KIFC3: variants seen among roughly 807,000 people sequenced by gnomAD.
The protein encoded by KIFC3 is kinesin-like protein KIFC3.
KIFC3 carries 60 observed loss-of-function variants against 101.8 expected under a neutral mutation model. The ratio of observed to expected loss-of-function variants is 0.59; its 90% CI spans 0.48 to 0.73. The LOEUF (loss-of-function observed/expected upper bound fraction) is 0.73, where lower values mean the gene tolerates loss of function less well. KIFC3 is among the 30% of genes least tolerant of loss of function. KIFC3 has a pLI of 0.00. For missense variants in KIFC3, 966 were observed against 1,137.1 expected (o/e 0.85, Z 2.16); for synonymous variants, 476 against 482.7 (o/e 0.99, Z 0.18).
chr16:57,771,265 A>G lies in KIFC3; in HGVS notation c.698T>C (p.Leu233Pro), dbSNP rs782731587. The change falls in exon 6 of 20, where the codon CTT (leucine) becomes CCT (proline). Residue 233 changes from leucine to proline, a missense_variant. By Grantham distance (98) the Leu-to-Pro change is moderately conservative. Coordinates refer to ENST00000445690, the MANE Select transcript of KIFC3 (RefSeq NM_001130100.2). ...GTGGCTGTCACGCAGGCGCCGACTA[A>G]GCCGCTCCTCCTCCTGTGCCTTCTC... The part of the protein sequence containing the change: ...LAEKAQEEER[L>P]SRRLRDSHET... 2 of 1,613,202 alleles carry G rather than the reference A, an allele frequency of 1.2e-6. No individual in the cohort carries two copies. Among genetic ancestry groups the G allele is most frequent in the Non-Finnish European group, 1.7e-6 (2 of 1,180,024 alleles).
intron 1 of KIFC3, among the ~76,000 whole-genome samples, chr16:57,812,234 G>C (rs2055101609): frequency 6.6e-6 from 1 of 151,698 alleles, no homozygotes; most frequent in South Asian, 2.1e-4. Context: ...AGTAGAGATG[G>C]GGTTTCGCCG....
At chr16:57,788,080 T>C (rs1187284071) in intron 3 of KIFC3, among the ~76,000 whole-genome samples, 2 of 152,184 alleles carry the variant, frequency 1.3e-5, no homozygotes, top group African/African-American at 4.8e-5. Context: ...CTGGGCACCA[T>C]GGCAGGCCCT....
In KIFC3 at chr16:57,760,918, G is replaced by A. The variant is rs782513874; in HGVS notation, c.2040C>T (p.Arg680=). The change falls in exon 16 of 20, where the codon CGC becomes CGT. Residue 680 remains arginine (R), a synonymous_variant. Transcript: ENST00000445690. The part of the protein sequence containing the change: ...LNLVDLAGSE[R]VGKSGAEGSR... Reference sequence around the variant, plus strand: ...TGCCCTCGGCCCCCGACTTGCCCACGCGCTCCGAGCCAGCCAAGTCCACCA... The same window carrying A: ...TGCCCTCGGCCCCCGACTTGCCCACACGCTCCGAGCCAGCCAAGTCCACCA... 3.8e-5 allele frequency: 61 copies of A among 1,607,446 alleles called. No homozygotes were observed. Among genetic ancestry groups the A allele is most frequent in the African/African-American group, 9.4e-5 (7 of 74,854 alleles).
Position 57,760,113 on chromosome 16 carries a change from T to G in KIFC3, c.2367+169A>C, listed in dbSNP as rs77373703. On this transcript the variant is annotated intron_variant, in intron 17 of 19. Coordinates refer to ENST00000445690, the MANE Select transcript of KIFC3 (RefSeq NM_001130100.2). ...ACCTCCGAGGCCAAGAAGAAATACC[T>G]GTACTGAAGAGGCTGCTGGCTGTGG... 4,610 of 811,910 alleles carry G rather than the reference T, an allele frequency of 5.7e-3. 169 individuals carry two copies. The African/African-American group carries it at 0.071, about 13-fold the overall frequency. The allele number at this position is 811,910 out of a possible 1,614,324, so 50.3% of individuals were successfully genotyped here.
At chr16:57,822,006 A>T (rs993488069) in intron 1 of KIFC3, among the ~76,000 whole-genome samples, 54 of 152,108 alleles carry the variant, frequency 3.6e-4, no homozygotes, top group African/African-American at 1.2e-3. Context: ...AGCCTGGGAG[A>T]TCAAGGCTGC....
In KIFC3 at chr16:57,760,357, C is replaced by T. The variant is rs1555595011; in HGVS notation, c.2292G>A (p.Arg764=). ...CAGGCCCCAGCTCCACAGAGCGCAC[C>T]CTCTCAGCAAACTTGAGGGAATAGA... is the stretch of plus-strand genomic sequence containing the variant. ...ETLYSLKFAE[R]VRSVELGPGL... is the part of the protein sequence containing the mutation. Residue 764 remains arginine (R), a synonymous_variant, in exon 17 of 20, where the codon AGG becomes AGA. Transcript: ENST00000445690. The T allele has an allele frequency of 6.2e-7, 1 of 1,613,890 alleles. No individual in the cohort carries two copies. The highest frequency in any genetic ancestry group is 1.3e-5 in the African/African-American group (1 of 74,928).
chr16:57,823,761 T>TGTGTGTGTGTGTGTGTG (rs1568088450), intron 1 of KIFC3, among the ~76,000 whole-genome samples: 1 of 136,620 alleles, frequency 7.3e-6, no homozygotes, highest in Non-Finnish European at 1.6e-5. Context: ...CCCGGCTACT[T>TGTGTGTGTGTGTGTGTG]TGTGTGTGTG....
chr16:57,793,319 G>GC, intron 3 of KIFC3, among the ~76,000 whole-genome samples: 1 of 146,832 alleles, frequency 6.8e-6, no homozygotes, highest in South Asian at 2.2e-4. Flanking sequence ...ATGGCTGGGT[G>GC]CACTGGCTCA....
chr16:57,822,012 G>C (rs781818212), intron 1 of KIFC3, among the ~76,000 whole-genome samples: 1 of 152,158 alleles, frequency 6.6e-6, no homozygotes, highest in Admixed American at 6.5e-5. Flanking sequence ...GGAGATCAAG[G>C]CTGCAGTGAG....
At chr16:57,797,756 A>G (rs1195167767) in intron 2 of KIFC3, 2 of 1,266,480 alleles carry the variant, frequency 1.6e-6, no homozygotes, top group South Asian at 1.7e-5. Context: ...GCTCTTGGCC[A>G]AGGACGGCAG....
At chr16:57,792,921 G>T (rs1555620913) in intron 3 of KIFC3, among the ~76,000 whole-genome samples, 2 of 145,646 alleles carry the variant, frequency 1.4e-5, no homozygotes, top group African/African-American at 5.1e-5. Flanking sequence ...TGATGAGCAT[G>T]AAGAGATTAC....
At chr16:57,762,108 G>C in intron 13 of KIFC3, 32 bp downstream of exon 13, 2 of 1,552,754 alleles carry the variant, frequency 1.3e-6, no homozygotes, top group Non-Finnish European at 1.7e-6. Context: ...AGCTGCCCCT[G>C]AGGCCTGCTC....
Position 57,761,010 on chromosome 16 carries a change from G to T in KIFC3, c.2002+32C>A, listed in dbSNP as rs782136107. ...CTGCCCTGCCCCTTGGGGTTGTGGG[G>T]ATCCTCAGGCCAGGCTGCCTGCCAC... is the stretch of plus-strand genomic sequence containing the variant. On this transcript the variant is annotated intron_variant, in intron 15 of 19. Coordinates refer to ENST00000445690, the MANE Select transcript of KIFC3 (RefSeq NM_001130100.2). 4.4e-6 allele frequency: 7 copies of T among 1,602,770 alleles called. No homozygotes were observed. The South Asian group carries it at 7.7e-5, about 18-fold the overall frequency.
intron 2 of KIFC3, among the ~76,000 whole-genome samples, chr16:57,797,136 G>T (rs1337982742): frequency 6.6e-6 from 1 of 152,224 alleles, no homozygotes; most frequent in African/African-American, 2.4e-5. Flanking sequence ...GGGAGAGAGG[G>T]GTGAACAGGA....
intron 1 of KIFC3, among the ~76,000 whole-genome samples, chr16:57,812,046 C>CTT (rs1205613960): frequency 9.1e-5 from 12 of 131,818 alleles, no homozygotes; most frequent in East Asian, 2.2e-4. Flanking sequence ...CCGTCTCTCT[C>CTT]TTTTTTTTTT....
Position 57,760,303 on chromosome 16 carries a change from C to T in KIFC3, c.2346G>A (p.Trp782Ter). 1 of 1,613,604 alleles carries T rather than the reference C, an allele frequency of 6.2e-7. No individual in the cohort carries two copies. Among genetic ancestry groups the T allele is most frequent in the Non-Finnish European group, 8.5e-7 (1 of 1,179,804 alleles). ...PGLRRAELGS[W>*]SSQEHLEWEP... is the part of the protein sequence containing the mutation. ...GTACCTCTAGATGCTCCTGGCTTGA[C>T]CAGGACCCAAGCTCTGCCCTGCGTA... Residue 782 changes from tryptophan to a stop codon, truncating the protein, a stop_gained, in exon 17 of 20, where the codon TGG becomes TGA. Transcript: ENST00000445690. LOFTEE classifies it high-confidence loss of function.
intron 1 of KIFC3, among the ~76,000 whole-genome samples, chr16:57,844,705 G>A (rs1238360619): frequency 6.6e-6 from 1 of 152,134 alleles, no homozygotes. Flanking sequence ...TACCAGGGCT[G>A]GAACTACAAA....
At chr16:57,816,618 G>A (rs966810260) in intron 1 of KIFC3, 7 of 456,620 alleles carry the variant, frequency 1.5e-5, no homozygotes, top group African/African-American at 1.2e-4. Context: ...CTGCTGAGCT[G>A]TGCTCCAGAA....
intron 1 of KIFC3, among the ~76,000 whole-genome samples, chr16:57,825,810 G>T (rs12597736): frequency 0.13 from 19,514 of 152,094 alleles, 1,348 homozygotes; most frequent in South Asian, 0.18. Flanking sequence ...CTCCTGAGTA[G>T]CTGGGGGAGT....
Sources: gnomAD v4.1 joint callset for allele counts (sites outside exome capture counted in the v4.1 genomes callset) on GRCh38, gnomAD v4.1.1 for gene constraint, MANE v1.5 for transcripts, NCBI Gene and HGNC (gene_info 2026-07-23, HGNC 2026-07-21) for gene names.